Variants in MACROD2 observed in about 807,000 individuals in gnomAD.
MACROD2 encodes the protein mono-ADP ribosylhydrolase 2, also known as ADP-ribose glycohydrolase MACROD2.
Under a neutral mutation model 70.4 loss-of-function variants are expected in MACROD2, and 36 were observed. The observed-to-expected ratio is 0.51, with a 90% CI of 0.39 to 0.68. The LOEUF (loss-of-function observed/expected upper bound fraction) is 0.68. Ranked by LOEUF, MACROD2 falls within the 30% of genes least tolerant of loss-of-function variation. MACROD2 has a pLI of 0.00. For missense variants in MACROD2, 496 were observed against 538.4 expected (o/e 0.92, Z 0.78); for synonymous variants, 172 against 178.8 (o/e 0.96, Z 0.30).
chr20:14,070,710 G>A (rs1226410080), intron 2 of MACROD2, among the ~76,000 whole-genome samples: 1 of 152,056 alleles, frequency 6.6e-6, no homozygotes, highest in Admixed American at 6.6e-5. Context: ...CTGACAGCAC[G>A]CCCCTTCTGA....
At chr20:14,656,656 C>T (rs1022778403) in intron 4 of MACROD2, among the ~76,000 whole-genome samples, 6 of 152,124 alleles carry the variant, frequency 3.9e-5, no homozygotes, top group African/African-American at 1.4e-4. Context: ...GACTAAAACG[C>T]GTGTCTCCGA....
At chr20:15,870,144 A>G (rs986248070) in intron 9 of MACROD2, among the ~76,000 whole-genome samples, 16 of 151,968 alleles carry the variant, frequency 1.1e-4, no homozygotes, top group African/African-American at 2.9e-4. Context: ...ATATGAATAT[A>G]TCTTTCGTTT....
intron 5 of MACROD2, among the ~76,000 whole-genome samples, chr20:15,094,678 G>A (rs1185274645): frequency 1.3e-5 from 2 of 152,048 alleles, no homozygotes; most frequent in Admixed American, 6.6e-5. Flanking sequence ...CAAAAGATAA[G>A]GTGAAAGCCT....
chr20:14,058,455 A>C (rs1420801433), intron 2 of MACROD2, among the ~76,000 whole-genome samples: 1 of 151,470 alleles, frequency 6.6e-6, no homozygotes, highest in Non-Finnish European at 1.5e-5. Flanking sequence ...AAAAAAAATG[A>C]AACTTTTTTC....
At chr20:15,601,167 C>CT (rs1235713843) in intron 8 of MACROD2, among the ~76,000 whole-genome samples, 10 of 152,210 alleles carry the variant, frequency 6.6e-5, no homozygotes, top group African/African-American at 2.4e-4. Context: ...TCACTACTGA[C>CT]TCCCTCAGCC....
intron 8 of MACROD2, among the ~76,000 whole-genome samples, chr20:15,856,545 T>C (rs778225453): frequency 1.3e-5 from 2 of 152,202 alleles, no homozygotes; most frequent in Non-Finnish European, 2.9e-5. Context: ...TTGAAAACTA[T>C]CTGCCACATA....
chr20:15,178,460 T>C (rs1318618031), intron 5 of MACROD2, among the ~76,000 whole-genome samples: 1 of 152,204 alleles, frequency 6.6e-6, no homozygotes, highest in Non-Finnish European at 1.5e-5. Flanking sequence ...TTATAAAGAT[T>C]GGAAGTGGAT....
At chr20:15,440,146 G>A (rs117990379) in intron 7 of MACROD2, among the ~76,000 whole-genome samples, 6,343 of 152,188 alleles carry the variant, frequency 0.042, 171 homozygotes, top group Middle Eastern at 0.085. Context: ...AACAGAAATC[G>A]ACTCCTGGCT....
At chr20:15,063,107 C>G (rs546862405) in intron 5 of MACROD2, among the ~76,000 whole-genome samples, 1 of 152,152 alleles carries the variant, frequency 6.6e-6, no homozygotes, top group African/African-American at 2.4e-5. Context: ...CTCATTCATT[C>G]GCTTCATTCA....
intron 3 of MACROD2, among the ~76,000 whole-genome samples, chr20:14,336,250 T>C (rs182725713): frequency 8.4e-4 from 128 of 152,178 alleles, no homozygotes; most frequent in African/African-American, 2.8e-3. Flanking sequence ...GATTTATTAA[T>C]AGACAGATTT....
chr20:15,868,653 C>T (rs2064529151), intron 9 of MACROD2, among the ~76,000 whole-genome samples: 1 of 148,350 alleles, frequency 6.7e-6, no homozygotes, highest in Non-Finnish European at 1.5e-5. Context: ...ATAAACTTAC[C>T]TTGTGAGCTC....
intron 6 of MACROD2, among the ~76,000 whole-genome samples, chr20:15,304,619 G>A (rs763528232): frequency 7.2e-5 from 11 of 151,982 alleles, no homozygotes; most frequent in East Asian, 3.9e-4. Flanking sequence ...CACCAGTGGC[G>A]TTATCAGCAC....
At chr20:14,647,568 T>A (rs542194293) in intron 4 of MACROD2, among the ~76,000 whole-genome samples, 1 of 152,052 alleles carries the variant, frequency 6.6e-6, no homozygotes, top group Admixed American at 6.6e-5. Flanking sequence ...AGGTCAAGAA[T>A]GTAGGGAAAC....
intron 4 of MACROD2, among the ~76,000 whole-genome samples, chr20:14,664,899 A>G (rs945362474): frequency 2.0e-5 from 3 of 152,054 alleles, no homozygotes; most frequent in African/African-American, 7.2e-5. Flanking sequence ...GTTCTATGTC[A>G]CTCTGGAACC....
intron 3 of MACROD2, among the ~76,000 whole-genome samples, chr20:14,468,846 T>G (rs1331678093): frequency 6.6e-6 from 1 of 152,040 alleles, no homozygotes; most frequent in Non-Finnish European, 1.5e-5. Context: ...ATTACATGGG[T>G]CTCCTGAATA....
At chr20:15,787,785 ATCTT>A (rs1437895866) in intron 8 of MACROD2, among the ~76,000 whole-genome samples, 3 of 152,140 alleles carry the variant, frequency 2.0e-5, no homozygotes, top group Admixed American at 6.5e-5. Flanking sequence ...GTTATGTAAA[ATCTT>A]TCAATTTAAC....
intron 2 of MACROD2, among the ~76,000 whole-genome samples, chr20:14,061,034 C>G (rs991667314): frequency 1.1e-4 from 17 of 151,966 alleles, no homozygotes; most frequent in African/African-American, 3.9e-4. Flanking sequence ...AGCATGTTAC[C>G]TTAAAGCTAT....
intron 2 of MACROD2, among the ~76,000 whole-genome samples, chr20:14,064,060 C>T (rs2053724732): frequency 6.6e-6 from 1 of 152,124 alleles, no homozygotes. Flanking sequence ...GATACTCAAC[C>T]TGTAATTAAT....
intron 4 of MACROD2, among the ~76,000 whole-genome samples, chr20:14,631,526 T>C (rs1984507430): frequency 6.6e-6 from 1 of 152,130 alleles, no homozygotes; most frequent in Non-Finnish European, 1.5e-5. Flanking sequence ...ATCCCAGCAC[T>C]TTGGGAGGCC....
Sources: allele counts gnomAD v4.1 joint callset (sites outside exome capture counted in the v4.1 genomes callset), GRCh38; gene constraint gnomAD v4.1.1; transcripts MANE v1.5; gene names NCBI Gene and HGNC (gene_info 2026-07-23, HGNC 2026-07-21).